SYNE2: variants seen among roughly 807,000 people sequenced by gnomAD.
SYNE2 encodes spectrin repeat containing nuclear envelope protein 2, also known as nesprin-2.
In SYNE2, 431 loss-of-function variants were observed where a neutral mutation model predicts 856.3. The ratio of observed to expected loss-of-function variants is 0.50; its 90% CI spans 0.47 to 0.55. The LOEUF is 0.55. SYNE2 is among the 20% of genes least tolerant of loss of function. The pLI, the probability that SYNE2 is intolerant of heterozygous loss-of-function variation, is 0.00. For synonymous variants in SYNE2, 2,923 were observed against 2,872.3 expected (o/e 1.02, Z -0.56); for missense variants, 8,129 against 8,023.2 (o/e 1.01, Z -0.50).
intron 1 of SYNE2, among the ~76,000 whole-genome samples, chr14:63,835,567 G>A (rs201204057): frequency 7.3e-5 from 1 of 13,652 alleles, no homozygotes; most frequent in African/African-American, 2.2e-4. Context: ...AGATATTTGC[G>A]TGTGTGTGTG....
intron 95 of SYNE2, among the ~76,000 whole-genome samples, chr14:64,175,447 C>A (rs2098430179): frequency 6.6e-6 from 1 of 152,174 alleles, no homozygotes; most frequent in African/African-American, 2.4e-5. Context: ...AGAAACACTT[C>A]ATTTTTCTGC....
intron 1 of SYNE2, among the ~76,000 whole-genome samples, chr14:63,807,671 ATT>A (rs57982905): frequency 1.2e-4 from 17 of 140,756 alleles, no homozygotes; most frequent in Non-Finnish European, 9.3e-5. Context: ...TTTCCTTACC[ATT>A]TTTTTTTTTG....
At chr14:63,956,423 C>A (rs1212394187) in intron 8 of SYNE2, 2 of 456,450 alleles carry the variant, frequency 4.4e-6, no homozygotes, top group East Asian at 7.0e-5. Context: ...GATTTTTTCA[C>A]AACCAGCTTA....
chr14:63,983,446 T>C (rs1253523085), intron 17 of SYNE2, among the ~76,000 whole-genome samples: 1 of 152,172 alleles, frequency 6.6e-6, no homozygotes, highest in Non-Finnish European at 1.5e-5. Context: ...AAAACAAGCA[T>C]TGTTTTGCCT....
At chr14:64,188,319 T>A (rs1224577035) in intron 97 of SYNE2, among the ~76,000 whole-genome samples, 2 of 152,214 alleles carry the variant, frequency 1.3e-5, no homozygotes, top group Non-Finnish European at 2.9e-5. Flanking sequence ...ATCCTTCCAA[T>A]CAGCTACATT....
intron 78 of SYNE2, among the ~76,000 whole-genome samples, chr14:64,135,131 A>G (rs1355997039): frequency 6.6e-6 from 1 of 152,214 alleles, no homozygotes; most frequent in East Asian, 1.9e-4. Context: ...TGAGAACATG[A>G]CCAACAAGAT....
chr14:64,041,731 T>A (rs1350826827), intron 45 of SYNE2, among the ~76,000 whole-genome samples: 1 of 151,666 alleles, frequency 6.6e-6, no homozygotes, highest in Non-Finnish European at 1.5e-5. Context: ...GTGCCTGTGG[T>A]CCCACCAACT....
At chr14:64,178,003 T>C (rs952242578) in intron 96 of SYNE2, among the ~76,000 whole-genome samples, 1 of 152,214 alleles carries the variant, frequency 6.6e-6, no homozygotes, top group Non-Finnish European at 1.5e-5. Context: ...GGCAAACTTA[T>C]GGATAGGAAT....
At chr14:64,162,951 A>G (rs1051900936) in intron 88 of SYNE2, 2 of 185,114 alleles carry the variant, frequency 1.1e-5, no homozygotes, top group Non-Finnish European at 1.1e-5. Flanking sequence ...TATGTACACA[A>G]TATTTCCAGA....
chr14:63,931,903 A>C (rs35224125), intron 2 of SYNE2, among the ~76,000 whole-genome samples: 14,016 of 152,186 alleles, frequency 0.092, 693 homozygotes, highest in South Asian at 0.17. Flanking sequence ...GTCTATAGGC[A>C]TTTACCACCA....
chr14:64,179,382 C>T (rs1322269333), intron 96 of SYNE2, among the ~76,000 whole-genome samples: 2 of 152,098 alleles, frequency 1.3e-5, no homozygotes, highest in East Asian at 1.9e-4. Flanking sequence ...CTCAAGCGAT[C>T]CACCTGCCTC....
At chr14:64,076,270 T>C (rs969452926) in intron 54 of SYNE2, among the ~76,000 whole-genome samples, 170 bp downstream of exon 54, 2 of 152,202 alleles carry the variant, frequency 1.3e-5, no homozygotes, top group Admixed American at 1.3e-4. Flanking sequence ...GCTCTAAATA[T>C]GTGACATAAG....
intron 1 of SYNE2, among the ~76,000 whole-genome samples, chr14:63,827,625 C>CAAAAAAAAAAAAAAACA (rs1889486919): frequency 3.2e-4 from 9 of 28,406 alleles, no homozygotes; most frequent in Non-Finnish European, 5.0e-4. Flanking sequence ...AACTCTGTCT[C>CAAAAAAAAAAAAAAACA]AAAAAAAAAA....
In SYNE2 at chr14:64,225,392, C is replaced by A; in HGVS notation, c.20590C>A (p.Leu6864Ile). ...VVRAALPLQL[L>I]LLLLLLLACL... ...CCGGGCAGCCCTACCCCTGCAGCTG[C>A]TCCTCCTGCTGCTGCTGCTCCTGGC... The change falls in exon 116 of 116, where the codon CTC (leucine) becomes ATC (isoleucine). Residue 6864 changes from leucine (L) to isoleucine (I), a missense_variant. Transcript: ENST00000555002. The A allele has an allele frequency of 6.2e-7, 1 of 1,614,126 alleles. No homozygotes were observed. Among genetic ancestry groups the A allele is most frequent in the Non-Finnish European group, 8.5e-7 (1 of 1,179,992 alleles).
In SYNE2 at chr14:64,021,325, C is replaced by T. The variant is rs931442345; in HGVS notation, c.5162C>T (p.Ser1721Phe). ...ATTTCATGATTTCAGGTCATGGAGT[C>T]CTCTATTTTGAACAAGATGGAACAT... is the stretch of plus-strand genomic sequence containing the variant. ...EIPLELQVME[S>F]SILNKMEHVQ... Residue 1721 changes from serine (S) to phenylalanine (F), a missense_variant, in exon 36 of 116, where the codon TCC (serine) becomes TTC (phenylalanine). Coordinates refer to ENST00000555002, the MANE Select transcript of SYNE2 (RefSeq NM_182914.3). 2.7e-5 allele frequency: 43 copies of T among 1,613,504 alleles called. No homozygotes were observed. The highest frequency in any genetic ancestry group is 3.2e-5 in the Non-Finnish European group (38 of 1,179,596).
chr14:63,800,095 C>A (rs1461757529), intron 1 of SYNE2, among the ~76,000 whole-genome samples: 1 of 152,172 alleles, frequency 6.6e-6, no homozygotes, highest in Non-Finnish European at 1.5e-5. Flanking sequence ...TTAGCCTGTT[C>A]ATTTGAGGTT....
intron 61 of SYNE2, 79 bp from the exon 62 acceptor site, chr14:64,097,870 G>C: frequency 1.4e-6 from 2 of 1,432,546 alleles, no homozygotes; most frequent in Non-Finnish European, 2.0e-6. Flanking sequence ...TTCAGCCCTT[G>C]TACCAAAGGA....
intron 98 of SYNE2, 110 bp from the exon 99 acceptor site, chr14:64,189,960 GC>G: frequency 9.2e-7 from 1 of 1,090,472 alleles, no homozygotes; most frequent in South Asian, 1.4e-5. Context: ...ACTATGCCTG[GC>G]CAATTTTTTT....
intron 62 of SYNE2, 156 bp from the exon 63 acceptor site, chr14:64,098,591 A>G: frequency 1.4e-6 from 1 of 732,870 alleles, no homozygotes; most frequent in Non-Finnish European, 2.4e-6. Flanking sequence ...ATCTGGCTGG[A>G]GGAGCTGAAC....
Sources: allele counts gnomAD v4.1 joint callset (sites outside exome capture counted in the v4.1 genomes callset), GRCh38; gene constraint gnomAD v4.1.1; transcripts MANE v1.5; gene names NCBI Gene and HGNC (gene_info 2026-07-23, HGNC 2026-07-21).